SUN3: variants seen among roughly 807,000 people sequenced by gnomAD.
SUN3 encodes Sad1 and UNC84 domain containing 3, also known as SUN domain-containing protein 3.
A neutral mutation model predicts 48.2 loss-of-function variants in SUN3; 36 were observed. The observed-to-expected ratio is 0.75, with a 90% CI of 0.57 to 0.99. The LOEUF (loss-of-function observed/expected upper bound fraction) is 0.99, where lower values mean the gene tolerates loss of function less well. Ranked by LOEUF, SUN3 falls within the 50% of genes least tolerant of loss-of-function variation. The pLI is 0.00. For synonymous variants in SUN3, 148 were observed against 147.9 expected (o/e 1.00, Z 0.00); for missense variants, 419 against 433.1 (o/e 0.97, Z 0.29).
chr7:48,000,880 TAAATCGA>T (rs1789344990), intron 6 of SUN3, among the ~76,000 whole-genome samples: 1 of 151,710 alleles, frequency 6.6e-6, no homozygotes, highest in Non-Finnish European at 1.5e-5. Flanking sequence ...TTTTTTTTTT[TAAATCGA>T]GTTTGAGATG....
intron 6 of SUN3, among the ~76,000 whole-genome samples, chr7:48,002,864 T>C (rs188303867): frequency 3.3e-5 from 5 of 152,344 alleles, no homozygotes; most frequent in Admixed American, 3.3e-4. Context: ...GTTTTCTAAA[T>C]ATAGGATTAT....
intron 3 of SUN3, among the ~76,000 whole-genome samples, chr7:48,012,565 A>G (rs894463828): frequency 3.9e-5 from 6 of 152,224 alleles, no homozygotes; most frequent in Non-Finnish European, 2.9e-5. Context: ...TTTAAACCAT[A>G]TAACTTCAAG....
intron 2 of SUN3, 105 bp from the exon 3 acceptor site, chr7:48,017,470 C>A (rs184493562): frequency 7.3e-5 from 50 of 684,322 alleles, no homozygotes; most frequent in Non-Finnish European, 3.3e-5. Flanking sequence ...TATGTATACT[C>A]TTAAGAATAT....
At chr7:47,987,955 G>A (rs571050546) in intron 9 of SUN3, among the ~76,000 whole-genome samples, 5 of 152,268 alleles carry the variant, frequency 3.3e-5, no homozygotes, top group East Asian at 1.9e-4. Context: ...ATAATATGGC[G>A]GCCAAGTGAC....
At chr7:47,998,220 G>A (rs1645602904) in intron 6 of SUN3, among the ~76,000 whole-genome samples, 1 of 152,202 alleles carries the variant, frequency 6.6e-6, no homozygotes, top group South Asian at 2.1e-4. Context: ...TGTTCATGCG[G>A]TTGCCAGCAC....
chr7:48,018,553 G>A (rs1789878542), intron 2 of SUN3: 1 of 153,410 alleles, frequency 6.5e-6, no homozygotes, highest in Non-Finnish European at 1.5e-5. Context: ...GAACCCAGGA[G>A]GTGGAGGTTG....
At chr7:47,989,066 C>T (rs998660703) in intron 8 of SUN3, 186 bp from the exon 9 acceptor site, 11 of 416,554 alleles carry the variant, frequency 2.6e-5, no homozygotes, top group African/African-American at 6.0e-5. Flanking sequence ...AGGCTGATCA[C>T]GGGACTGACT....
At chr7:48,035,756 G>T in the SUN3 span, 2 of 583,624 alleles carry the variant, frequency 3.4e-6, no homozygotes, top group Admixed American at 3.1e-5. This position sits in a 1 kb window ranked among gnomAD's most constrained non-coding sequence, Gnocchi z 4.0. Flanking sequence ...CCTTGTCGCC[G>T]GGTTGGGATG....
intron 2 of SUN3, among the ~76,000 whole-genome samples, chr7:48,019,122 A>G (rs1410692478): frequency 6.6e-6 from 1 of 152,210 alleles, no homozygotes; most frequent in Non-Finnish European, 1.5e-5. Flanking sequence ...CTATGAAATT[A>G]TTGAGTCTGT....
At chr7:48,031,061 C>T (rs1915968), upstream of SUN3, among the ~76,000 whole-genome samples, 70,552 of 152,126 alleles carry the variant, frequency 0.46, 17,026 homozygotes, top group African/African-American at 0.6. Context: ...AAAAATCTCC[C>T]TGACATTGGT....
In SUN3 at chr7:47,987,497, C is replaced by T. The variant is rs181247291; in HGVS notation, c.955-48G>A. On this transcript the variant is annotated intron_variant, in intron 9 of 9. Transcript: ENST00000297325. The stretch of plus-strand genomic sequence containing the variant: ...CAATGCCTTATAACGAAATTCATCT[C>T]AAAGAATCCCAATGAATACTGATAT... 6.2e-6 allele frequency: 9 copies of T among 1,449,796 alleles called. No individual in the cohort carries two copies. The Admixed American group carries it at 1.4e-4, about 23-fold the overall frequency. The allele number at this position is 1,449,796 out of a possible 1,614,324, so 89.8% of individuals were successfully genotyped here.
At chr7:48,001,049 G>A (rs1314090260) in intron 6 of SUN3, among the ~76,000 whole-genome samples, 2 of 151,894 alleles carry the variant, frequency 1.3e-5, no homozygotes, top group Non-Finnish European at 2.9e-5. Context: ...TCTTTGAATT[G>A]CATAATTTCT....
Position 48,006,102 on chromosome 7 carries a change from C to A in SUN3, c.493-49G>T, listed in dbSNP as rs369154467. The A allele has an allele frequency of 8.3e-6, 11 of 1,326,694 alleles. No homozygotes were observed. In the African/African-American group the frequency reaches 1.5e-4, roughly 18 times the overall value. 82.2% of individuals were successfully genotyped at this position (1,326,694 alleles called of 1,614,324 possible). On this transcript the variant is annotated intron_variant, in intron 5 of 9. Transcript: ENST00000297325. ...TTCTGTTAACAATCTTTGCCAACTG[C>A]TTGAGTTTTGACCATTCATTTTATT...
intron 6 of SUN3, among the ~76,000 whole-genome samples, chr7:48,002,538 A>T (rs1474857982): frequency 6.6e-6 from 1 of 152,016 alleles, no homozygotes; most frequent in African/African-American, 2.4e-5. Context: ...CTTCTTTTTA[A>T]GTGTCTGTTC....
intron 9 of SUN3, 101 bp from the exon 10 acceptor site, chr7:47,987,550 T>C (rs1788935147): frequency 1.0e-6 from 1 of 963,866 alleles, no homozygotes; most frequent in Non-Finnish European, 1.4e-6. Flanking sequence ...TTTTTTTTTT[T>C]CGAGATAGGA....
intron 3 of SUN3, among the ~76,000 whole-genome samples, chr7:48,014,895 C>A (rs758343967): frequency 1.8e-4 from 27 of 152,140 alleles, no homozygotes; most frequent in Non-Finnish European, 3.4e-4. Context: ...TATTTGGAGA[C>A]AAAATTTCTT....
At chr7:48,003,994 C>T (rs1789458469) in intron 6 of SUN3, among the ~76,000 whole-genome samples, 1 of 152,114 alleles carries the variant, frequency 6.6e-6, no homozygotes, top group African/African-American at 2.4e-5. Context: ...GTTTTTCTAT[C>T]ATTAAGCATA....
chr7:48,006,112 G>A (rs1319267731), intron 5 of SUN3, 59 bp from the exon 6 acceptor site: 2 of 1,245,366 alleles, frequency 1.6e-6, no homozygotes, highest in African/African-American at 1.5e-5. Context: ...CTTGAGTTTT[G>A]ACCATTCATT....
upstream of SUN3, among the ~76,000 whole-genome samples, chr7:48,031,123 A>G (rs760282245): frequency 6.6e-5 from 10 of 152,250 alleles, no homozygotes; most frequent in Non-Finnish European, 1.2e-4. Context: ...AAAAATAAAT[A>G]AGTGGAACCA....
Sources: gnomAD v4.1 joint callset for allele counts (sites outside exome capture counted in the v4.1 genomes callset) on GRCh38, gnomAD v4.1.1 for gene constraint, Gnocchi (gnomAD v3.1) non-coding constraint, MANE v1.5 for transcripts, NCBI Gene and HGNC (gene_info 2026-07-23, HGNC 2026-07-21) for gene names.